SPAG16: variants seen among roughly 807,000 people sequenced by gnomAD.
The protein encoded by SPAG16 is sperm-associated antigen 16 protein.
Under a neutral mutation model 80.4 loss-of-function variants are expected in SPAG16, and 86 were observed. The observed-to-expected ratio is 1.07, with a 90% CI of 0.90 to 1.28. The LOEUF (loss-of-function observed/expected upper bound fraction) is 1.28, where lower values mean the gene tolerates loss of function less well. SPAG16 is among the 50% of genes most tolerant of loss of function. SPAG16 has a pLI of 0.00. For synonymous variants in SPAG16, 294 were observed against 265.9 expected (o/e 1.11, Z -1.03); for missense variants, 870 against 765.3 (o/e 1.14, Z -1.61).
chr2:214,174,973 C>T (rs1002861330), intron 15 of SPAG16, among the ~76,000 whole-genome samples: 3 of 151,120 alleles, frequency 2.0e-5, no homozygotes, highest in East Asian at 3.9e-4. Context: ...TAGCCATTTT[C>T]GAGCCACAAC....
intron 10 of SPAG16, among the ~76,000 whole-genome samples, chr2:213,637,947 C>T (rs539051329): frequency 1.3e-5 from 2 of 152,078 alleles, no homozygotes; most frequent in Admixed American, 6.5e-5. Flanking sequence ...TTAGTAGAGA[C>T]GGGGTTTCAC....
At chr2:213,709,165 A>G (rs1559396922) in intron 10 of SPAG16, among the ~76,000 whole-genome samples, 1 of 152,204 alleles carries the variant, frequency 6.6e-6, no homozygotes. Context: ...TTTAATAACC[A>G]TGGTAGTTCA....
intron 12 of SPAG16, among the ~76,000 whole-genome samples, chr2:213,979,309 C>T (rs1419178712): frequency 2.6e-5 from 4 of 151,962 alleles, no homozygotes; most frequent in Non-Finnish European, 5.9e-5. Flanking sequence ...GAATGTTTGT[C>T]TCAGGGAAAT....
chr2:213,325,423 T>C (rs1345072654), intron 5 of SPAG16, among the ~76,000 whole-genome samples: 1 of 152,050 alleles, frequency 6.6e-6, no homozygotes, highest in African/African-American at 2.4e-5. Context: ...TAATTTTCTT[T>C]ACTATAGGAA....
At chr2:213,678,342 A>C (rs1269982418) in intron 10 of SPAG16, among the ~76,000 whole-genome samples, 1 of 152,188 alleles carries the variant, frequency 6.6e-6, no homozygotes, top group Non-Finnish European at 1.5e-5. Context: ...TGGTTTTTTG[A>C]AAGGATCAAC....
At chr2:213,406,307 A>C (rs964984560) in intron 9 of SPAG16, among the ~76,000 whole-genome samples, 1 of 152,174 alleles carries the variant, frequency 6.6e-6, no homozygotes, top group East Asian at 1.9e-4. Flanking sequence ...GGAGATACCA[A>C]GGAAGATGGA....
intron 10 of SPAG16, among the ~76,000 whole-genome samples, chr2:213,738,689 T>C (rs1323354666): frequency 6.6e-6 from 1 of 152,238 alleles, no homozygotes; most frequent in East Asian, 1.9e-4. Context: ...CAGTTTAGCA[T>C]AGTTAAAAAT....
rs79378261 is a variant in SPAG16, at chr2:213,645,680, G to A, written c.1070+155590G>A. On this transcript the variant is annotated intron_variant, in intron 10 of 15. Transcript: ENST00000331683. ...TCCTCTTCTCAAGCAAAATGGAGGGGTCTCTTGGAGCTGGAAGCTCTGCAA... is the reference window on the plus strand; with the variant it reads ...TCCTCTTCTCAAGCAAAATGGAGGGATCTCTTGGAGCTGGAAGCTCTGCAA... 3.4e-3 allele frequency among the ~76,000 whole-genome samples: 523 copies of A among 152,214 alleles called. 4 individuals carry two copies. The highest frequency in any genetic ancestry group is 0.012 in the African/African-American group (499 of 41,522).
intron 9 of SPAG16, among the ~76,000 whole-genome samples, chr2:213,393,639 A>G (rs1239027307): frequency 6.6e-6 from 1 of 152,124 alleles, no homozygotes; most frequent in East Asian, 1.9e-4. Flanking sequence ...TCTGTAGGAC[A>G]CAAACCTAGG....
chr2:213,739,782 A>G (rs1163570914), intron 10 of SPAG16, among the ~76,000 whole-genome samples: 1 of 152,194 alleles, frequency 6.6e-6, no homozygotes, highest in Admixed American at 6.5e-5. Context: ...TTGTGTTTTT[A>G]GTAGAGGTGG....
chr2:213,297,068 C>A, intron 2 of SPAG16, 194 bp from the exon 3 acceptor site: 1 of 1,421,114 alleles, frequency 7.0e-7, no homozygotes, highest in Non-Finnish European at 9.3e-7. Context: ...TTAGAAGTGA[C>A]GTTTATTGAC....
chr2:214,131,302 TGAGATTACAGTG>T (rs1173619130), intron 14 of SPAG16, among the ~76,000 whole-genome samples: 1 of 151,474 alleles, frequency 6.6e-6, no homozygotes, highest in Non-Finnish European at 1.5e-5. Flanking sequence ...AGCAGGAGTT[TGAGATTACAGTG>T]AGCTGTGATC....
intron 10 of SPAG16, among the ~76,000 whole-genome samples, chr2:213,536,909 A>G (rs1004052923): frequency 1.3e-5 from 2 of 152,082 alleles, no homozygotes; most frequent in African/African-American, 4.8e-5. Context: ...ACTTGGAACC[A>G]ACCCAAATGT....
chr2:214,002,229 T>C (rs1249002302), intron 12 of SPAG16, among the ~76,000 whole-genome samples: 1 of 152,142 alleles, frequency 6.6e-6, no homozygotes, highest in East Asian at 1.9e-4. Context: ...ATTTGTGTAT[T>C]AATAAAGAAA....
intron 15 of SPAG16, among the ~76,000 whole-genome samples, chr2:214,365,310 A>G (rs980705471): frequency 6.6e-6 from 1 of 152,168 alleles, no homozygotes; most frequent in Admixed American, 6.6e-5. Flanking sequence ...TCCTTTCCCT[A>G]TTAAGTGACT....
intron 10 of SPAG16, among the ~76,000 whole-genome samples, chr2:213,661,004 G>A (rs2063405719): frequency 6.6e-6 from 1 of 152,086 alleles, no homozygotes; most frequent in Non-Finnish European, 1.5e-5. Context: ...AACTTGTCTT[G>A]TCTCATTCCT....
chr2:214,194,597 C>T (rs1287996407), intron 15 of SPAG16, among the ~76,000 whole-genome samples: 4 of 152,080 alleles, frequency 2.6e-5, no homozygotes, highest in Admixed American at 1.3e-4. Flanking sequence ...CTTTATAACA[C>T]AATAGAGGTT....
chr2:213,535,802 C>A (rs2076224276), intron 10 of SPAG16, among the ~76,000 whole-genome samples: 1 of 152,056 alleles, frequency 6.6e-6, no homozygotes, highest in South Asian at 2.1e-4. Flanking sequence ...CTAACTGTAA[C>A]CTTGACCACA....
At chr2:213,668,392 A>G (rs968477600) in intron 10 of SPAG16, among the ~76,000 whole-genome samples, 1 of 152,044 alleles carries the variant, frequency 6.6e-6, no homozygotes, top group African/African-American at 2.4e-5. Flanking sequence ...AAAACAATTC[A>G]GGGACTCACC....
Sources: gnomAD v4.1 joint callset for allele counts (sites outside exome capture counted in the v4.1 genomes callset) on GRCh38, gnomAD v4.1.1 for gene constraint, MANE v1.5 for transcripts, NCBI Gene and HGNC (gene_info 2026-07-23, HGNC 2026-07-21) for gene names.